The following RHBDD1 variants were observed in gnomAD, a reference collection of about 807,000 sequenced individuals.
The protein encoded by RHBDD1 is rhomboid-related protein 4.
A neutral mutation model predicts 36.3 loss-of-function variants in RHBDD1; 38 were observed. The observed-to-expected ratio is 1.05, with a 90% confidence interval of 0.81 to 1.37. RHBDD1 has a LOEUF of 1.37. Among genes scored for constraint, RHBDD1 ranks in the 40% most tolerant of loss-of-function variants. RHBDD1 has a pLI of 0.00. For missense variants in RHBDD1, 393 were observed against 377.6 expected (o/e 1.04, Z -0.34); for synonymous variants, 151 against 136.5 (o/e 1.11, Z -0.74).
chr2:226,848,903 G>A (rs566790168), intron 3 of RHBDD1, among the ~76,000 whole-genome samples: 42 of 152,286 alleles, frequency 2.8e-4, no homozygotes, highest in African/African-American at 6.3e-4. Context: ...TAAAGTTTGA[G>A]AGCAGTTCTA....
rs1035454403 is a variant in RHBDD1, at chr2:226,938,546, C to T, written c.856+24195C>T. 1.3e-5 allele frequency among the ~76,000 whole-genome samples: 2 copies of T among 152,070 alleles called. 1 individual carries two copies. The highest frequency in any genetic ancestry group is 2.9e-5 in the Non-Finnish European group (2 of 68,010). On this transcript the variant is annotated intron_variant, in intron 8 of 8. Transcript: ENST00000392062. ...TAGGAGAAATGGATAAATTCATGTA[C>T]ATACACCCTTCCAAGACTGAAGCAG...
At chr2:226,806,020 A>G in the RHBDD1 span, among the ~76,000 whole-genome samples, 2 of 152,146 alleles carry the variant, frequency 1.3e-5, no homozygotes, top group Non-Finnish European at 1.5e-5. Flanking sequence ...CTGGGTCACC[A>G]TGGCCCCCTC....
At chr2:226,990,198 C>G (rs564391626) in intron 8 of RHBDD1, among the ~76,000 whole-genome samples, 14 of 152,238 alleles carry the variant, frequency 9.2e-5, no homozygotes, top group South Asian at 2.1e-4. Context: ...CCTGGGGTCC[C>G]TTCAGGCCTT....
chr2:226,944,211 G>A (rs899743272), intron 8 of RHBDD1, among the ~76,000 whole-genome samples: 2 of 152,204 alleles, frequency 1.3e-5, no homozygotes, highest in Non-Finnish European at 2.9e-5. Flanking sequence ...AATCAGCAGT[G>A]TGGTTCATCT....
chr2:226,816,835 G>GAAAATGTATAGTTCTTGAACACAC, the RHBDD1 span, among the ~76,000 whole-genome samples: 4 of 140,272 alleles, frequency 2.9e-5, no homozygotes, highest in East Asian at 5.0e-4. Context: ...GGCAAAGGTT[G>GAAAATGTATAGTTCTTGAACACAC]CAGTGGGCCC....
chr2:226,874,553 C>T (rs567431324), intron 5 of RHBDD1, among the ~76,000 whole-genome samples: 1 of 152,156 alleles, frequency 6.6e-6, no homozygotes, highest in Non-Finnish European at 1.5e-5. Context: ...TAGCTTGGGG[C>T]TGCATCACTC....
intron 5 of RHBDD1, among the ~76,000 whole-genome samples, chr2:226,906,487 G>A (rs1172712288): frequency 6.6e-6 from 1 of 152,148 alleles, no homozygotes; most frequent in Non-Finnish European, 1.5e-5. Flanking sequence ...GAAAAAAAAC[G>A]GAAAGCGATG....
chr2:226,942,042 T>C (rs999602343), intron 8 of RHBDD1, among the ~76,000 whole-genome samples: 1 of 152,226 alleles, frequency 6.6e-6, no homozygotes, highest in African/African-American at 2.4e-5. Flanking sequence ...TCTCTATTCC[T>C]AGTTGGGACA....
In RHBDD1 at chr2:226,927,144, T is replaced by C. The variant is rs142476510; in HGVS notation, c.856+12793T>C. Among the ~76,000 whole-genome samples, 714 of 152,256 alleles carry C rather than the reference T, an allele frequency of 4.7e-3. 5 individuals are homozygous for C. The highest frequency in any genetic ancestry group is 0.016 in the African/African-American group (673 of 41,562). ...TTAATCCTCAACAAGCACTGTTCTC[T>C]TCTCCATCTCCTTAACTTTGCTTTT... On this transcript the variant is annotated intron_variant, in intron 8 of 8. Coordinates refer to ENST00000392062, the MANE Select transcript of RHBDD1 (RefSeq NM_001167608.3).
chr2:226,865,995 C>A (rs994901689), intron 4 of RHBDD1, among the ~76,000 whole-genome samples: 3 of 152,262 alleles, frequency 2.0e-5, no homozygotes, highest in Admixed American at 6.5e-5. Flanking sequence ...CCATGATAAT[C>A]ACTCTGCATA....
rs529760436 is a variant in RHBDD1, at chr2:226,848,682, T to C, written c.-91+9055T>C. Among the ~76,000 whole-genome samples, 35 of 152,218 alleles carry C rather than the reference T, an allele frequency of 2.3e-4. 1 individual carries two copies. Among genetic ancestry groups the C allele is most frequent in the Admixed American group, 2.2e-3 (34 of 15,278 alleles). ...ACCAGTAGGGACTCTTAAATGGTAATTTTGGTGAGTTGGTAAATTTGGTGG... is the reference window on the plus strand; with the variant it reads ...ACCAGTAGGGACTCTTAAATGGTAACTTTGGTGAGTTGGTAAATTTGGTGG... On this transcript the variant is annotated intron_variant, in intron 3 of 8. Coordinates refer to ENST00000392062, the MANE Select transcript of RHBDD1 (RefSeq NM_001167608.3).
chr2:226,879,981 T>C (rs1311292659), intron 5 of RHBDD1, among the ~76,000 whole-genome samples: 2 of 152,184 alleles, frequency 1.3e-5, no homozygotes, highest in African/African-American at 4.8e-5. Flanking sequence ...TGTCAATTTA[T>C]TGTGTTATTT....
intron 5 of RHBDD1, among the ~76,000 whole-genome samples, chr2:226,890,567 A>G (rs1252133411): frequency 6.6e-6 from 1 of 152,176 alleles, no homozygotes; most frequent in Non-Finnish European, 1.5e-5. Context: ...TGAGAGATTG[A>G]GGCCTGCTGG....
chr2:226,888,413 T>G (rs534655372), intron 5 of RHBDD1, among the ~76,000 whole-genome samples: 5 of 96,944 alleles, frequency 5.2e-5, no homozygotes, highest in Admixed American at 9.2e-5. Flanking sequence ...TCAGTGAGGT[T>G]TTTTTTTTTC....
the RHBDD1 span, chr2:226,808,705 T>C: frequency 6.6e-6 from 1 of 151,912 alleles, no homozygotes; most frequent in East Asian, 1.9e-4. Context: ...AGAGGAGGTG[T>C]TCCAAGAGAA....
chr2:226,896,483 T>A (rs1220453458), intron 5 of RHBDD1, among the ~76,000 whole-genome samples: 1 of 152,190 alleles, frequency 6.6e-6, no homozygotes, highest in Non-Finnish European at 1.5e-5. Context: ...GTAGTAGTAT[T>A]AATATTTCTG....
At chr2:226,904,129 C>T (rs1309084450) in intron 5 of RHBDD1, among the ~76,000 whole-genome samples, 1 of 152,200 alleles carries the variant, frequency 6.6e-6, no homozygotes, top group African/African-American at 2.4e-5. Flanking sequence ...AGAAAACTTT[C>T]ACACTGGCCC....
intron 4 of RHBDD1, among the ~76,000 whole-genome samples, chr2:226,865,350 G>T (rs1559209705): frequency 6.6e-6 from 1 of 152,146 alleles, no homozygotes; most frequent in Non-Finnish European, 1.5e-5. Flanking sequence ...GCTGGAAGGT[G>T]GTTTTGTAGA....
intron 8 of RHBDD1, among the ~76,000 whole-genome samples, chr2:226,936,491 A>G (rs1032070779): frequency 1.3e-5 from 2 of 152,162 alleles, no homozygotes; most frequent in Non-Finnish European, 2.9e-5. Flanking sequence ...ATTAATTTAT[A>G]TGTAATCTTT....
Sources: allele counts gnomAD v4.1 joint callset (sites outside exome capture counted in the v4.1 genomes callset), GRCh38; gene constraint gnomAD v4.1.1; transcripts MANE v1.5; gene names NCBI Gene and HGNC (gene_info 2026-07-23, HGNC 2026-07-21).